MPP7: variants seen among roughly 807,000 people sequenced by gnomAD.
The protein encoded by MPP7 is MAGUK p55 scaffold protein 7.
A neutral mutation model predicts 76.5 loss-of-function variants in MPP7; 60 were observed. The ratio of observed to expected loss-of-function variants is 0.78; its 90% CI spans 0.64 to 0.97. The LOEUF is 0.97. Among genes scored for constraint, MPP7 ranks in the 50% least tolerant of loss-of-function variants. MPP7 has a pLI of 0.00. For synonymous variants in MPP7, 237 were observed against 244.5 expected (o/e 0.97, Z 0.29); for missense variants, 641 against 694.0 (o/e 0.92, Z 0.86).
At chr10:28,145,213 G>GT (rs1168919638) in intron 5 of MPP7, among the ~76,000 whole-genome samples, 1 of 152,070 alleles carries the variant, frequency 6.6e-6, no homozygotes, top group Admixed American at 6.6e-5. Flanking sequence ...GTGCCTGGCC[G>GT]TATCTGTGTC....
intron 11 of MPP7, among the ~76,000 whole-genome samples, chr10:28,092,667 G>C (rs1376857547): frequency 6.8e-6 from 1 of 146,288 alleles, no homozygotes; most frequent in Non-Finnish European, 1.5e-5. Context: ...CTGCCTCCCA[G>C]GCTCAAGCCA....
At chr10:28,177,964 C>T (rs1424907857) in intron 3 of MPP7, among the ~76,000 whole-genome samples, 1 of 152,072 alleles carries the variant, frequency 6.6e-6, no homozygotes, top group East Asian at 1.9e-4. Flanking sequence ...CCAGGTCTCT[C>T]TGATGAAAAA....
chr10:28,307,362 T>C (rs538314229), upstream of MPP7, among the ~76,000 whole-genome samples: 58 of 152,332 alleles, frequency 3.8e-4, no homozygotes, highest in African/African-American at 1.2e-3. Context: ...AGTAATTTCC[T>C]GTTTCCCTAT....
At position 28,203,496 on chromosome 10, in the gene MPP7, TAA is replaced by T. The variant is rs72465209; in HGVS notation, c.38-1227_38-1226del. On this transcript the variant is annotated intron_variant, in intron 2 of 16. Transcript: ENST00000683449. ...GGCCAAAAAAAGCTAAAACAGTCTT[TAA>T]AAAAAAAAAAAAAAAAAACCTTCTC... Among the ~76,000 whole-genome samples the T allele has an allele frequency of 2.1e-3, 278 of 129,866 alleles. 2 individuals carry two copies. Among genetic ancestry groups the T allele is most frequent in the African/African-American group, 6.3e-3 (220 of 35,148 alleles). The allele number at this position is 129,866 out of a possible 152,430, so 85.2% of individuals were successfully genotyped here.
At chr10:28,186,675 A>G (rs1367947567) in intron 3 of MPP7, among the ~76,000 whole-genome samples, 1 of 152,248 alleles carries the variant, frequency 6.6e-6, no homozygotes, top group Non-Finnish European at 1.5e-5. Context: ...CTGTCATGGC[A>G]TTAAAGCCAG....
intron 2 of MPP7, among the ~76,000 whole-genome samples, chr10:28,328,901 G>C (rs970636454): frequency 3.3e-5 from 5 of 152,050 alleles, no homozygotes; most frequent in African/African-American, 1.2e-4. Flanking sequence ...TTGCCCCACT[G>C]TTTTCACCAT....
intron 1 of MPP7, among the ~76,000 whole-genome samples, chr10:28,274,101 C>CTTTTTTTT (rs60127503): frequency 2.4e-5 from 3 of 123,654 alleles, no homozygotes; most frequent in African/African-American, 9.4e-5. Flanking sequence ...AAATTTTTTT[C>CTTTTTTTT]TTTTTTTTTT....
chr10:28,328,285 T>G (rs1452028355), intron 2 of MPP7, among the ~76,000 whole-genome samples: 2 of 152,228 alleles, frequency 1.3e-5, no homozygotes, highest in Non-Finnish European at 2.9e-5. Flanking sequence ...GTCTATTTCA[T>G]AGTTTTTAAA....
At chr10:28,072,349 A>G (rs1852278606) in intron 12 of MPP7, among the ~76,000 whole-genome samples, 1 of 151,928 alleles carries the variant, frequency 6.6e-6, no homozygotes, top group African/African-American at 2.4e-5. Flanking sequence ...GCTTTTCTAG[A>G]AACCCCACCA....
At chr10:28,197,715 G>C (rs1011691321) in intron 3 of MPP7, among the ~76,000 whole-genome samples, 5 of 152,102 alleles carry the variant, frequency 3.3e-5, no homozygotes, top group African/African-American at 7.2e-5. Flanking sequence ...GAACATCTTG[G>C]CCCTAGTGGT....
At chr10:28,331,351 G>T (rs1834468498) in intron 1 of MPP7, among the ~76,000 whole-genome samples, 1 of 152,064 alleles carries the variant, frequency 6.6e-6, no homozygotes, top group Non-Finnish European at 1.5e-5. Context: ...AATGTCAAAT[G>T]CAGGAGAAGG....
intron 4 of MPP7, among the ~76,000 whole-genome samples, chr10:28,148,557 C>T (rs1835781444): frequency 6.6e-6 from 1 of 151,996 alleles, no homozygotes; most frequent in Non-Finnish European, 1.5e-5. Flanking sequence ...ATAAATTGTA[C>T]ACAAAAAATA....
chr10:28,128,500 G>A lies in MPP7; in HGVS notation c.447+3060C>T, dbSNP rs1268101959. Among the ~76,000 whole-genome samples, 6 of 152,162 alleles carry A rather than the reference G, an allele frequency of 3.9e-5. No homozygotes were observed. In the East Asian group the frequency reaches 1.2e-3, roughly 29 times the overall value. ...GGAAAGATGATGGTGGCATGGATCT[G>A]ACTGGCAGGAGTAGAGGTGATGAAA... is the stretch of plus-strand genomic sequence containing the variant. On this transcript the variant is annotated intron_variant, in intron 6 of 16. Coordinates refer to ENST00000683449, the MANE Select transcript of MPP7 (RefSeq NM_001318170.2).
At chr10:28,295,654 G>A (rs956604462) in intron 1 of MPP7, among the ~76,000 whole-genome samples, 3 of 152,162 alleles carry the variant, frequency 2.0e-5, no homozygotes, top group African/African-American at 7.2e-5. Flanking sequence ...TTTTTATCAG[G>A]AGTGAAGCTA....
rs1851391325 is a variant in MPP7 at position 28,052,364 on chromosome 10, C to G, written c.*1701G>C. ...AAAATTTTTTGCTATTTAATTAATA[C>G]ACTTAGAACTCACTGTCTGGATCAC... is the stretch of plus-strand genomic sequence containing the variant. On this transcript the variant is annotated 3_prime_UTR_variant, in exon 17 of 17. Coordinates refer to ENST00000683449, the MANE Select transcript of MPP7 (RefSeq NM_001318170.2). 6.6e-6 allele frequency: 1 copy of G among 152,114 alleles called. No individual in the cohort carries two copies. Among genetic ancestry groups the G allele is most frequent in the South Asian group, 2.1e-4 (1 of 4,834 alleles). 9.4% of individuals were successfully genotyped at this position (152,114 alleles called of 1,614,324 possible).
intron 2 of MPP7, among the ~76,000 whole-genome samples, chr10:28,222,851 CAA>C (rs71908213): frequency 8.5e-6 from 1 of 117,658 alleles, no homozygotes. Flanking sequence ...GACTCCATCT[CAA>C]AAAAAAAAAA....
intron 3 of MPP7, among the ~76,000 whole-genome samples, chr10:28,169,624 TA>T (rs1429834727): frequency 1.3e-5 from 2 of 152,236 alleles, no homozygotes; most frequent in African/African-American, 4.8e-5. Context: ...TAAAGTGTCA[TA>T]ATTTCCTGCA....
At chr10:28,096,202 G>A (rs1853563707) in intron 11 of MPP7, among the ~76,000 whole-genome samples, 1 of 152,076 alleles carries the variant, frequency 6.6e-6, no homozygotes, top group Admixed American at 6.6e-5. Context: ...CTTCATTAGG[G>A]CAAATTGCTA....
chr10:28,146,931 A>G (rs964148855), intron 5 of MPP7, among the ~76,000 whole-genome samples: 1 of 152,186 alleles, frequency 6.6e-6, no homozygotes, highest in African/African-American at 2.4e-5. Context: ...AAAATAAGTG[A>G]TAAACTTAGG....
Sources: allele counts gnomAD v4.1 joint callset (sites outside exome capture counted in the v4.1 genomes callset), GRCh38; gene constraint gnomAD v4.1.1; transcripts MANE v1.5; gene names NCBI Gene and HGNC (gene_info 2026-07-23, HGNC 2026-07-21).